Variants in GVQW3 observed in about 807,000 individuals in gnomAD.
GVQW3 encodes protein GVQW3.
In GVQW3, 7 loss-of-function variants were observed where a neutral mutation model predicts 12.5. The observed-to-expected ratio is 0.56, with a 90% CI of 0.32 to 1.05. The LOEUF (loss-of-function observed/expected upper bound fraction) is 1.05. GVQW3 is among the 50% of genes least tolerant of loss of function. The pLI is 0.04. For missense variants in GVQW3, 188 were observed against 190.8 expected (o/e 0.99, Z 0.09); for synonymous variants, 71 against 67.2 (o/e 1.06, Z -0.28).
At chr11:76,391,944 ACT>A (rs1302721030) in intron 1 of GVQW3, among the ~76,000 whole-genome samples, 5 of 151,934 alleles carry the variant, frequency 3.3e-5, no homozygotes, top group Non-Finnish European at 5.9e-5. Context: ...ACAGAGTGAG[ACT>A]CTGTCTCAAA....
intron 1 of GVQW3, among the ~76,000 whole-genome samples, chr11:76,386,390 G>A (rs1946833672): frequency 6.6e-6 from 1 of 152,114 alleles, no homozygotes; most frequent in Non-Finnish European, 1.5e-5. Context: ...ATGTTATTTG[G>A]GGAAGAATGT....
intron 1 of GVQW3, among the ~76,000 whole-genome samples, chr11:76,398,699 G>A (rs953063918): frequency 4.6e-5 from 7 of 152,160 alleles, no homozygotes; most frequent in Non-Finnish European, 8.8e-5. Flanking sequence ...GGCCTCAAGC[G>A]ATCCTCCCAC....
At chr11:76,387,651 T>C (rs1259858584) in intron 1 of GVQW3, among the ~76,000 whole-genome samples, 1 of 152,230 alleles carries the variant, frequency 6.6e-6, no homozygotes, top group African/African-American at 2.4e-5. Flanking sequence ...CCAGGCACGA[T>C]GGCTCATGTC....
In GVQW3 at chr11:76,381,816, G is replaced by A. The variant is rs1946771811; in HGVS notation, c.-13G>A. ...GTGGCCTGTTAAACGTTCCTGTGTTGTTCAGTGCCAGAATGAGTGACCGCT... is the reference window on the plus strand; with the variant it reads ...GTGGCCTGTTAAACGTTCCTGTGTTATTCAGTGCCAGAATGAGTGACCGCT... On this transcript the variant is annotated 5_prime_UTR_variant, in exon 1 of 2. Transcript: ENST00000529331. 6.6e-7 allele frequency: 1 copy of A among 1,516,412 alleles called. No homozygotes were observed. The highest frequency in any genetic ancestry group is 2.4e-5 in the East Asian group (1 of 40,860). The allele number at this position is 1,516,412 out of a possible 1,614,324, so 93.9% of individuals were successfully genotyped here. A position where few individuals can be genotyped will look rare whatever the true frequency, so the allele number is the denominator to read the frequency against.
chr11:76,382,345 A>G (rs774119824), intron 1 of GVQW3, 52 bp downstream of exon 1: 3 of 1,190,076 alleles, frequency 2.5e-6, no homozygotes, highest in South Asian at 2.6e-5. Context: ...TGGTGGGGAA[A>G]TGCCCCTGCC....
intron 1 of GVQW3, among the ~76,000 whole-genome samples, chr11:76,399,129 CATTTTATTTT>C (rs952466070): frequency 6.8e-6 from 1 of 147,608 alleles, no homozygotes; most frequent in African/African-American, 2.5e-5. Flanking sequence ...TATTTTATTT[CATTTTATTTT>C]ATTTTATTTT....
At chr11:76,382,449 C>T (rs757766077) in intron 1 of GVQW3, 156 bp downstream of exon 1, 4 of 679,344 alleles carry the variant, frequency 5.9e-6, no homozygotes, top group South Asian at 4.8e-5. Context: ...AGAATTGGTT[C>T]ACCCCATGGT....
At chr11:76,383,141 G>A (rs563494427) in intron 1 of GVQW3, 1 of 152,394 alleles carries the variant, frequency 6.6e-6, no homozygotes, top group African/African-American at 2.4e-5. Context: ...TCTGGTGCTA[G>A]AAAATATAAA....
rs1011444896 is a variant in GVQW3 at position 76,405,241 on chromosome 11, T to A, written c.*1483T>A. 6.6e-6 allele frequency: 1 copy of A among 152,228 alleles called. No individual in the cohort carries two copies. The highest frequency in any genetic ancestry group is 1.5e-5 in the Non-Finnish European group (1 of 68,062). 9.4% of individuals were successfully genotyped at this position (152,228 alleles called of 1,614,324 possible). ...CTCCCAGTAACTCCCAGCAGAGTTC[T>A]ACTAAATCTCATTGGCCCAAGGGAG... On this transcript the variant is annotated 3_prime_UTR_variant, in exon 2 of 2. Coordinates refer to ENST00000529331, the MANE Select transcript of GVQW3 (RefSeq NM_001347885.2).
intron 1 of GVQW3, among the ~76,000 whole-genome samples, chr11:76,396,644 T>C (rs1275257538): frequency 6.6e-6 from 1 of 152,174 alleles, no homozygotes; most frequent in Non-Finnish European, 1.5e-5. Flanking sequence ...AGCCAGTGTT[T>C]ATTTAGATTT....
intron 1 of GVQW3, among the ~76,000 whole-genome samples, chr11:76,391,723 G>A (rs1206695802): frequency 6.6e-6 from 1 of 152,154 alleles, no homozygotes; most frequent in East Asian, 1.9e-4. Flanking sequence ...GGAGGCTGAG[G>A]TGGGCAGATC....
At chr11:76,402,993 G>A (rs890127291) in intron 1 of GVQW3, among the ~76,000 whole-genome samples, 5 of 152,074 alleles carry the variant, frequency 3.3e-5, no homozygotes, top group African/African-American at 1.2e-4. Context: ...TGTCGCCCAG[G>A]CTGGAGTGCA....
chr11:76,382,560 C>G (rs560571393), intron 1 of GVQW3: 92 of 599,396 alleles, frequency 1.5e-4, no homozygotes, highest in South Asian at 8.9e-4. Context: ...CCACTCCTCC[C>G]TATGTGCCAT....
chr11:76,400,602 G>A (rs942650565), intron 1 of GVQW3, among the ~76,000 whole-genome samples: 7 of 151,028 alleles, frequency 4.6e-5, no homozygotes, highest in African/African-American at 1.7e-4. Context: ...TGTATTTTTA[G>A]TAGAGCCGGA....
chr11:76,385,232 T>G (rs1946820581), intron 1 of GVQW3, among the ~76,000 whole-genome samples: 1 of 152,198 alleles, frequency 6.6e-6, no homozygotes, highest in Non-Finnish European at 1.5e-5. Flanking sequence ...AGCAAACCAT[T>G]CACATTTGGC....
Position 76,406,003 on chromosome 11 carries a change from C to G in GVQW3, c.*2245C>G, listed in dbSNP as rs1297852765. On this transcript the variant is annotated 3_prime_UTR_variant, in exon 2 of 2. Transcript: ENST00000529331. ...TTTACTTTTTTTTGAGACAGGCTCT[C>G]CCTATGTCACCGAGGCTACAGTGCA... 3.3e-5 allele frequency: 5 copies of G among 151,716 alleles called. No individual in the cohort carries two copies. The highest frequency in any genetic ancestry group is 7.3e-5 in the African/African-American group (3 of 41,220). The allele number at this position is 151,716 out of a possible 1,614,324, so 9.4% of individuals were successfully genotyped here. A position where few individuals can be genotyped will look rare whatever the true frequency, so the allele number is the denominator to read the frequency against.
At chr11:76,394,119 G>A (rs922591389) in intron 1 of GVQW3, among the ~76,000 whole-genome samples, 1 of 152,130 alleles carries the variant, frequency 6.6e-6, no homozygotes, top group Non-Finnish European at 1.5e-5. Flanking sequence ...GGCTGGTTTT[G>A]AACTTGTGAC....
At chr11:76,384,127 G>A (rs1285406409) in intron 1 of GVQW3, among the ~76,000 whole-genome samples, 1 of 152,162 alleles carries the variant, frequency 6.6e-6, no homozygotes, top group African/African-American at 2.4e-5. Context: ...AGGGGGCAGG[G>A]GTTTGGTAAT....
In GVQW3 at chr11:76,393,883, T is replaced by C. The variant is rs566229406; in HGVS notation, c.466-9777T>C. ...TGTGTTACAAACAATCCAGTTATAC[T>C]CTTAGTTATTATTATTATTATTATT... On this transcript the variant is annotated intron_variant, in intron 1 of 1. Transcript: ENST00000529331. Among the ~76,000 whole-genome samples, 7 of 147,930 alleles carry C rather than the reference T, an allele frequency of 4.7e-5. No individual in the cohort carries two copies. The South Asian group carries it at 1.5e-3, about 31-fold the overall frequency.
Sources: allele counts gnomAD v4.1 joint callset (sites outside exome capture counted in the v4.1 genomes callset), GRCh38; gene constraint gnomAD v4.1.1; transcripts MANE v1.5; gene names NCBI Gene and HGNC (gene_info 2026-07-23, HGNC 2026-07-21).